The following MAN1A1 variants were observed in gnomAD, a reference collection of about 807,000 sequenced individuals.
MAN1A1 encodes the protein mannosyl-oligosaccharide 1,2-alpha-mannosidase IA.
Under a neutral mutation model 70.8 loss-of-function variants are expected in MAN1A1, and 29 were observed. The observed-to-expected ratio is 0.41, with a 90% CI of 0.31 to 0.56. The LOEUF is 0.56. Ranked by LOEUF, MAN1A1 falls within the 20% of genes least tolerant of loss-of-function variation. The pLI is 0.29. For missense variants in MAN1A1, 747 were observed against 841.3 expected (o/e 0.89, Z 1.39); for synonymous variants, 349 against 330.1 (o/e 1.06, Z -0.62).
intron 2 of MAN1A1, among the ~76,000 whole-genome samples, chr6:119,332,691 C>T (rs1278470768): frequency 6.6e-6 from 1 of 151,644 alleles, no homozygotes; most frequent in Non-Finnish European, 1.5e-5. Flanking sequence ...GTGGCGGGCA[C>T]CTGTAATCCC....
chr6:119,323,610 T>C (rs1773075957), intron 2 of MAN1A1, among the ~76,000 whole-genome samples: 1 of 152,206 alleles, frequency 6.6e-6, no homozygotes, highest in South Asian at 2.1e-4. Flanking sequence ...TATGGGAATG[T>C]GCCCAGGTTC....
At position 119,262,896 on chromosome 6, in the gene MAN1A1, C is replaced by CAAAAGAGATT. The variant is rs1775648790; in HGVS notation, c.898-14552_898-14543dup. Among the ~76,000 whole-genome samples, 6 of 152,106 alleles carry CAAAAGAGATT rather than the reference C, an allele frequency of 3.9e-5. No homozygotes were observed. The South Asian group carries it at 1.2e-3, about 31-fold the overall frequency. On this transcript the variant is annotated intron_variant, in intron 5 of 12. Coordinates refer to ENST00000368468, the MANE Select transcript of MAN1A1 (RefSeq NM_005907.4). The stretch of plus-strand genomic sequence containing the variant: ...CTGGGTGTGTCTGTGTGGGTGTTGC[C>CAAAAGAGATT]AAAAGAGATTAACGTTTGAATCAGT...
chr6:119,233,484 T>C lies in MAN1A1; in HGVS notation c.992+14776A>G, dbSNP rs187826504. ...AAGTCCACTTAATGTAATGAGACAA[T>C]ATGCCCATTATAAACTGTCAGATGA... On this transcript the variant is annotated intron_variant, in intron 6 of 12. Transcript: ENST00000368468. Among the ~76,000 whole-genome samples, 4 of 152,284 alleles carry C rather than the reference T, an allele frequency of 2.6e-5. No individual in the cohort carries two copies. In the East Asian group the frequency reaches 7.7e-4, roughly 29 times the overall value.
At chr6:119,326,502 T>A (rs1206945320) in intron 2 of MAN1A1, among the ~76,000 whole-genome samples, 2 of 152,232 alleles carry the variant, frequency 1.3e-5, no homozygotes, top group African/African-American at 4.8e-5. Context: ...GATGCCTGCC[T>A]TGGCCTACTC....
intron 5 of MAN1A1, among the ~76,000 whole-genome samples, chr6:119,268,030 T>C (rs1775807481): frequency 6.6e-6 from 1 of 152,168 alleles, no homozygotes; most frequent in African/African-American, 2.4e-5. Context: ...ATAGGTGATA[T>C]GTTATCAGGA....
At chr6:119,267,702 C>A (rs1369023853) in intron 5 of MAN1A1, among the ~76,000 whole-genome samples, 1 of 152,172 alleles carries the variant, frequency 6.6e-6, no homozygotes. Context: ...TTCTCTCTCC[C>A]CCAAAGTAAC....
At chr6:119,240,373 G>A (rs1455839230) in intron 6 of MAN1A1, among the ~76,000 whole-genome samples, 5 of 151,900 alleles carry the variant, frequency 3.3e-5, no homozygotes, top group Non-Finnish European at 7.4e-5. Context: ...TGAGTAAAAC[G>A]TGAACCTGGT....
At chr6:119,218,901 T>G (rs969367595) in intron 6 of MAN1A1, among the ~76,000 whole-genome samples, 3 of 152,120 alleles carry the variant, frequency 2.0e-5, no homozygotes, top group African/African-American at 7.2e-5. Context: ...CTTTCTTAAA[T>G]GTTAAGTATA....
intron 6 of MAN1A1, among the ~76,000 whole-genome samples, chr6:119,236,411 T>C (rs1400616809): frequency 2.6e-5 from 4 of 151,878 alleles, no homozygotes; most frequent in South Asian, 4.2e-4. Context: ...ACTCATGGAT[T>C]GAGGAGTAAT....
intron 5 of MAN1A1, among the ~76,000 whole-genome samples, chr6:119,279,734 T>C (rs184993831): frequency 7.9e-5 from 12 of 152,336 alleles, no homozygotes; most frequent in Admixed American, 4.6e-4. Flanking sequence ...CGCTTTCTCA[T>C]ATTGCAAAGG....
intron 6 of MAN1A1, among the ~76,000 whole-genome samples, chr6:119,242,134 G>GACACACACACACACACACACAC (rs139698571): frequency 1.0e-3 from 154 of 150,626 alleles, no homozygotes; most frequent in African/African-American, 2.9e-3. Flanking sequence ...CAGACAGACA[G>GACACACACACACACACACACAC]ACACACACAC....
At chr6:119,188,330 C>G (rs1307493378) in intron 11 of MAN1A1, 75 bp downstream of exon 11, 2 of 1,347,470 alleles carry the variant, frequency 1.5e-6, no homozygotes, top group African/African-American at 2.9e-5. Flanking sequence ...AGTTGATAAG[C>G]CTGATTTATG....
At chr6:119,347,575 TG>T (rs1055964020) in intron 2 of MAN1A1, among the ~76,000 whole-genome samples, 2 of 152,166 alleles carry the variant, frequency 1.3e-5, no homozygotes, top group East Asian at 1.9e-4. Context: ...GACAGGTGAC[TG>T]GGGGAAGTTC....
intron 5 of MAN1A1, among the ~76,000 whole-genome samples, chr6:119,263,004 G>A (rs1264907357): frequency 6.6e-6 from 1 of 152,110 alleles, no homozygotes; most frequent in Admixed American, 6.6e-5. Context: ...GCAGAAAAAC[G>A]TGAAAAGGAG....
At chr6:119,182,382 C>T (rs574527184) in intron 11 of MAN1A1, among the ~76,000 whole-genome samples, 1 of 152,112 alleles carries the variant, frequency 6.6e-6, no homozygotes, top group African/African-American at 2.4e-5. Context: ...TTTATGTTTG[C>T]TTTTGTTGCC....
chr6:119,312,768 G>A (rs1326308135), intron 2 of MAN1A1, among the ~76,000 whole-genome samples: 1 of 152,180 alleles, frequency 6.6e-6, no homozygotes, highest in Admixed American at 6.5e-5. Flanking sequence ...TTTAACAAAT[G>A]CACCACTGTG....
intron 5 of MAN1A1, among the ~76,000 whole-genome samples, chr6:119,259,654 C>T (rs1187607566): frequency 6.6e-6 from 1 of 152,092 alleles, no homozygotes; most frequent in Non-Finnish European, 1.5e-5. Context: ...GACAGATGAG[C>T]ATTTTAAATT....
chr6:119,249,231 A>G (rs941171472), intron 5 of MAN1A1, among the ~76,000 whole-genome samples: 1 of 152,172 alleles, frequency 6.6e-6, no homozygotes, highest in Non-Finnish European at 1.5e-5. Flanking sequence ...CAAAAAGGGG[A>G]TACTGGTAAA....
intron 2 of MAN1A1, among the ~76,000 whole-genome samples, chr6:119,344,220 A>G (rs999221203): frequency 1.3e-5 from 2 of 152,234 alleles, no homozygotes; most frequent in African/African-American, 4.8e-5. Flanking sequence ...TCCCATATAC[A>G]TAAGAAGCTC....
Sources: allele counts gnomAD v4.1 joint callset (sites outside exome capture counted in the v4.1 genomes callset), GRCh38; gene constraint gnomAD v4.1.1; transcripts MANE v1.5; gene names NCBI Gene and HGNC (gene_info 2026-07-23, HGNC 2026-07-21).